The following RTTN variants were observed in gnomAD, a reference collection of about 807,000 sequenced individuals.
RTTN encodes the protein rotatin.
Under a neutral mutation model 269.2 loss-of-function variants are expected in RTTN, and 182 were observed. That is an observed-to-expected ratio of 0.68 (90% CI 0.60 to 0.76). RTTN has a LOEUF of 0.76. Ranked by LOEUF, RTTN falls within the 30% of genes least tolerant of loss-of-function variation. RTTN has a pLI of 0.00. For missense variants in RTTN, 2,545 were observed against 2,608.6 expected, an observed-to-expected ratio of 0.98 and a Z score of 0.53; for synonymous variants, 1,006 against 963.5, an observed-to-expected ratio of 1.04 and a Z score of -0.82.
chr18:70,203,079 A>ACAACAACACAACAG (rs1373294714), intron 3 of RTTN, among the ~76,000 whole-genome samples: 6 of 152,234 alleles, frequency 3.9e-5, no homozygotes, highest in African/African-American at 1.4e-4. Flanking sequence ...CTAGGCATTA[A>ACAACAACACAACAG]CAACAACACA....
chr18:70,177,419 T>C (rs1388245426), intron 10 of RTTN, among the ~76,000 whole-genome samples: 1 of 152,232 alleles, frequency 6.6e-6, no homozygotes, highest in Non-Finnish European at 1.5e-5. Context: ...GAAAATGTTA[T>C]GCCATCATAA....
chr18:70,166,093 T>A lies in RTTN; in HGVS notation c.1898A>T (p.Glu633Val). 1.2e-6 allele frequency: 2 copies of A among 1,613,900 alleles called. No individual in the cohort carries two copies. Among genetic ancestry groups the A allele is most frequent in the Non-Finnish European group, 1.7e-6 (2 of 1,179,824 alleles). The change falls in exon 14 of 49, where the codon GAA becomes GTA. Residue 633 changes from glutamate to valine, a missense_variant. Glu to Val is a moderately radical substitution (Grantham distance 121). Transcript: ENST00000640769. The part of the protein sequence containing the change: ...LSHPLPRVKA[E>V]TYHCCLEITK... ...GATTTCCAGACAGCAGTGGTAAGTTTCAGCTTTCACTCGTGGCAATGGGTG... is the reference window on the plus strand; with the variant it reads ...GATTTCCAGACAGCAGTGGTAAGTTACAGCTTTCACTCGTGGCAATGGGTG...
At chr18:70,042,660 G>GC (rs772541992) in intron 40 of RTTN, among the ~76,000 whole-genome samples, 14 of 152,140 alleles carry the variant, frequency 9.2e-5, no homozygotes, top group South Asian at 2.1e-4. Context: ...ACAGGCATGA[G>GC]CACCGCGCCC....
At chr18:70,017,315 G>A (rs967964478) in intron 46 of RTTN, 92 bp downstream of exon 46, 9 of 1,235,058 alleles carry the variant, frequency 7.3e-6, no homozygotes, top group Non-Finnish European at 1.0e-5. Flanking sequence ...CTTAATAAAT[G>A]CCTAGAAAAT....
chr18:70,151,146 A>G (rs2060526556), intron 14 of RTTN, among the ~76,000 whole-genome samples: 1 of 148,038 alleles, frequency 6.8e-6, no homozygotes, highest in Non-Finnish European at 1.5e-5. Context: ...TTTATATACT[A>G]TATATATTTA....
intron 30 of RTTN, among the ~76,000 whole-genome samples, chr18:70,089,301 T>C (rs1020084263): frequency 1.3e-5 from 2 of 152,204 alleles, no homozygotes; most frequent in Admixed American, 6.5e-5. Context: ...TCTTTCTCCA[T>C]GTGCGTGCTC....
chr18:70,058,573 A>T (rs2057886267), intron 36 of RTTN, among the ~76,000 whole-genome samples: 1 of 152,204 alleles, frequency 6.6e-6, no homozygotes, highest in African/African-American at 2.4e-5. Flanking sequence ...GGATTTTTTT[A>T]AAGTCAAAAA....
Position 70,199,476 on chromosome 18 carries a change from A to C in RTTN, c.516T>G (p.Phe172Leu). The change falls in exon 5 of 49, where the codon TTT (phenylalanine) becomes TTG (leucine). Residue 172 changes from phenylalanine (F) to leucine (L), a missense_variant. By Grantham distance (22) the Phe-to-Leu change is conservative (BLOSUM62 0). Coordinates refer to ENST00000640769, the MANE Select transcript of RTTN (RefSeq NM_173630.4). Reference sequence around the variant, plus strand: ...TCAGGGGTAGCCAAGGAAATGTAGAAAACTTCAAGCACTTCACAGTCTGAT... The same window carrying C: ...TCAGGGGTAGCCAAGGAAATGTAGACAACTTCAAGCACTTCACAGTCTGAT... ...VVNQTVKCLKFSTFPWLPLTT... is the reference protein window; with the variant it reads ...VVNQTVKCLKLSTFPWLPLTT... The C allele has an allele frequency of 6.2e-7, 1 of 1,613,034 alleles. No homozygotes were observed. Among genetic ancestry groups the C allele is most frequent in the Non-Finnish European group, 8.5e-7 (1 of 1,179,184 alleles).
At chr18:70,176,604 A>C in intron 11 of RTTN, 71 bp downstream of exon 11, 1 of 1,386,414 alleles carries the variant, frequency 7.2e-7, no homozygotes, top group Non-Finnish European at 9.6e-7. Context: ...AAAAGAGCAG[A>C]AGAAATTTAC....
chr18:70,164,262 G>A (rs1025364544), intron 14 of RTTN, among the ~76,000 whole-genome samples: 1 of 137,234 alleles, frequency 7.3e-6, no homozygotes, highest in East Asian at 2.2e-4. Flanking sequence ...GCCTAGGCTT[G>A]AGTGCAGTGG....
At chr18:70,014,816 C>A (rs953987862) in intron 46 of RTTN, among the ~76,000 whole-genome samples, 6 of 152,144 alleles carry the variant, frequency 3.9e-5, no homozygotes, top group Admixed American at 3.9e-4. Flanking sequence ...TTTGGGGAAT[C>A]GCGGCTTCTG....
chr18:70,191,955 T>A (rs571291064), intron 8 of RTTN, among the ~76,000 whole-genome samples: 2 of 152,288 alleles, frequency 1.3e-5, no homozygotes, highest in South Asian at 4.1e-4. Flanking sequence ...AAAACATGGC[T>A]GAACAACCAA....
At chr18:70,200,046 C>T (rs2061910298) in intron 4 of RTTN, among the ~76,000 whole-genome samples, 1 of 152,170 alleles carries the variant, frequency 6.6e-6, no homozygotes, top group African/African-American at 2.4e-5. Context: ...GAGAAAGCAA[C>T]AGTTTTAAAC....
chr18:70,138,556 G>A (rs1170644668), intron 21 of RTTN: 1 of 152,058 alleles, frequency 6.6e-6, no homozygotes, highest in Non-Finnish European at 1.5e-5. Flanking sequence ...AGGTTAATAA[G>A]AAGACAATTA....
At chr18:70,073,768 G>C (rs1241090257) in intron 34 of RTTN, 138 bp downstream of exon 34, 19 of 583,712 alleles carry the variant, frequency 3.3e-5, no homozygotes, top group Non-Finnish European at 3.1e-6. Context: ...CAATAATTTA[G>C]CAAAATTCTG....
At chr18:70,135,019 G>T (rs1348334677) in intron 22 of RTTN, among the ~76,000 whole-genome samples, 165 bp downstream of exon 22, 1 of 152,100 alleles carries the variant, frequency 6.6e-6, no homozygotes, top group African/African-American at 2.4e-5. Context: ...TGAGCTAATA[G>T]GCTTTTGAAT....
At chr18:70,029,381 T>A (rs2056948538) in intron 42 of RTTN, among the ~76,000 whole-genome samples, 2 of 152,186 alleles carry the variant, frequency 1.3e-5, no homozygotes, top group African/African-American at 4.8e-5. Context: ...GCAGATCTTG[T>A]TAACCACAGT....
At chr18:70,110,464 G>A (rs950745407) in intron 27 of RTTN, among the ~76,000 whole-genome samples, 26 of 152,002 alleles carry the variant, frequency 1.7e-4, no homozygotes, top group African/African-American at 3.4e-4. Flanking sequence ...GCAAGGGGTC[G>A]GGGAATTTTC....
intron 28 of RTTN, among the ~76,000 whole-genome samples, chr18:70,101,032 A>C (rs1352914901): frequency 6.6e-6 from 1 of 152,112 alleles, no homozygotes; most frequent in African/African-American, 2.4e-5. Flanking sequence ...ATGGTCTAAA[A>C]TTCTCTTTTT....
Sources: allele counts gnomAD v4.1 joint callset (sites outside exome capture counted in the v4.1 genomes callset), GRCh38; gene constraint gnomAD v4.1.1; transcripts MANE v1.5; gene names NCBI Gene and HGNC (gene_info 2026-07-23, HGNC 2026-07-21).